The following SGCD variants were observed in gnomAD, a reference collection of about 807,000 sequenced individuals.
The protein encoded by SGCD is delta-sarcoglycan.
In SGCD, 18 loss-of-function variants were observed where a neutral mutation model predicts 36.6. The ratio of observed to expected loss-of-function variants is 0.49; its 90% CI spans 0.34 to 0.73. The LOEUF (loss-of-function observed/expected upper bound fraction) is 0.73. Ranked by LOEUF, SGCD falls within the 30% of genes least tolerant of loss-of-function variation. The pLI is 0.01. For synonymous variants in SGCD, 133 were observed against 130.6 expected (o/e 1.02, Z -0.12); for missense variants, 387 against 346.7 (o/e 1.12, Z -0.92).
At chr5:156,408,180 G>A (rs1016202515) in intron 3 of SGCD, among the ~76,000 whole-genome samples, 3 of 152,080 alleles carry the variant, frequency 2.0e-5, no homozygotes, top group African/African-American at 7.3e-5. Flanking sequence ...TCATCTTGAA[G>A]TATGAGTGTT....
At chr5:155,992,754 G>C (rs1261613254) in intron 1 of SGCD, among the ~76,000 whole-genome samples, 3 of 152,178 alleles carry the variant, frequency 2.0e-5, no homozygotes, top group Non-Finnish European at 4.4e-5. Flanking sequence ...TTTTCTGCTA[G>C]ATATTGTCTA....
the SGCD span, among the ~76,000 whole-genome samples, chr5:155,807,618 T>G: frequency 6.6e-6 from 1 of 152,268 alleles, no homozygotes; most frequent in Non-Finnish European, 1.5e-5. Context: ...CCAAGCTTTC[T>G]TAGATAATTT....
At chr5:156,078,557 A>C in intron 1 of SGCD, among the ~76,000 whole-genome samples, 1 of 120,244 alleles carries the variant, frequency 8.3e-6, no homozygotes, top group Non-Finnish European at 1.6e-5. Flanking sequence ...ATATATATTT[A>C]TATTTATATA....
chr5:156,126,845 C>G (rs1011422837), intron 3 of SGCD, among the ~76,000 whole-genome samples: 2 of 152,206 alleles, frequency 1.3e-5, no homozygotes, highest in African/African-American at 4.8e-5. Context: ...AAGTCAGCAG[C>G]ATCAGCATCA....
chr5:156,473,272 C>T (rs1177131568), intron 3 of SGCD, among the ~76,000 whole-genome samples: 2 of 152,184 alleles, frequency 1.3e-5, no homozygotes, highest in Non-Finnish European at 2.9e-5. Context: ...GTACTGAACC[C>T]TATACAGATG....
At chr5:156,073,609 T>A (rs990456255) in intron 1 of SGCD, among the ~76,000 whole-genome samples, 4 of 152,176 alleles carry the variant, frequency 2.6e-5, no homozygotes, top group Non-Finnish European at 5.9e-5. Flanking sequence ...GATCTCTATT[T>A]TCTATTCGTG....
chr5:156,293,535 G>A (rs1027821498), intron 3 of SGCD, among the ~76,000 whole-genome samples: 5 of 152,122 alleles, frequency 3.3e-5, no homozygotes, highest in Non-Finnish European at 7.4e-5. Context: ...TCTTTTGCAT[G>A]TGGATGTCCA....
At chr5:155,971,760 G>A (rs2127559878) in intron 1 of SGCD, among the ~76,000 whole-genome samples, 1 of 152,184 alleles carries the variant, frequency 6.6e-6, no homozygotes, top group Middle Eastern at 3.4e-3. Context: ...GTTTACAATT[G>A]TTTTTACCTG....
At chr5:155,821,335 G>A in the SGCD span, among the ~76,000 whole-genome samples, 52 of 151,842 alleles carry the variant, frequency 3.4e-4, no homozygotes, top group Middle Eastern at 3.4e-3. Context: ...TTCTTGAGAC[G>A]GAGTCTCTTT....
intron 7 of SGCD, among the ~76,000 whole-genome samples, chr5:156,741,291 T>C (rs1446631260): frequency 6.6e-6 from 1 of 152,186 alleles, no homozygotes; most frequent in Non-Finnish European, 1.5e-5. Flanking sequence ...CAACAAAAAA[T>C]GAGCCTGAGA....
intron 4 of SGCD, among the ~76,000 whole-genome samples, chr5:156,511,841 C>T (rs746518303): frequency 5.9e-5 from 9 of 152,122 alleles, no homozygotes; most frequent in Non-Finnish European, 1.0e-4. Flanking sequence ...ACTGAACCAG[C>T]GAATCACTGA....
At chr5:156,430,930 T>C (rs1752978215) in intron 3 of SGCD, among the ~76,000 whole-genome samples, 1 of 152,220 alleles carries the variant, frequency 6.6e-6, no homozygotes, top group South Asian at 2.1e-4. Context: ...CCCAGTATTT[T>C]ATTGACCAAA....
chr5:156,382,458 G>T (rs1276469675), intron 3 of SGCD, among the ~76,000 whole-genome samples: 2 of 152,102 alleles, frequency 1.3e-5, no homozygotes, highest in African/African-American at 4.8e-5. Flanking sequence ...ACACTCTTTG[G>T]TGTCTTGATG....
chr5:156,134,638 T>C (rs1426300203), intron 3 of SGCD, among the ~76,000 whole-genome samples: 2 of 149,694 alleles, frequency 1.3e-5, no homozygotes, highest in Non-Finnish European at 3.0e-5. Context: ...TAGGTGGGAA[T>C]TGAACCATGA....
chr5:156,579,535 G>T (rs1319233277), intron 4 of SGCD, among the ~76,000 whole-genome samples: 1 of 152,094 alleles, frequency 6.6e-6, no homozygotes, highest in African/African-American at 2.4e-5. Context: ...CATTATTATT[G>T]TGTGGGAGTC....
chr5:155,895,267 G>C (rs1756224496), intron 1 of SGCD, among the ~76,000 whole-genome samples: 1 of 152,194 alleles, frequency 6.6e-6, no homozygotes, highest in Non-Finnish European at 1.5e-5. Context: ...GGAACATTCT[G>C]GTGAAAGTTT....
intron 7 of SGCD, among the ~76,000 whole-genome samples, chr5:156,752,676 G>C (rs1297048893): frequency 6.6e-6 from 1 of 152,172 alleles, no homozygotes; most frequent in African/African-American, 2.4e-5. Flanking sequence ...TTCCAGGCGT[G>C]AGCTACCGTG....
At chr5:156,529,861 C>T (rs1430531403) in intron 4 of SGCD, among the ~76,000 whole-genome samples, 1 of 152,326 alleles carries the variant, frequency 6.6e-6, no homozygotes, top group East Asian at 1.9e-4. Flanking sequence ...TAAATTATGA[C>T]TGTGGGACTT....
rs146586638 is a variant in SGCD, at chr5:156,678,986, A to C, written c.575+31450A>C. On this transcript the variant is annotated intron_variant, in intron 7 of 8. Transcript: ENST00000337851. ...TTTTTTTCTAGTTCTGATTCACATA[A>C]AAGTTCAGATGAGTCTGTGAATATG... is the stretch of plus-strand genomic sequence containing the variant. Among the ~76,000 whole-genome samples, 185 of 152,310 alleles carry C rather than the reference A, an allele frequency of 1.2e-3. 1 individual carries two copies. Among genetic ancestry groups the C allele is most frequent in the African/African-American group, 4.2e-3 (174 of 41,568 alleles).
Sources: gnomAD v4.1 joint callset for allele counts (sites outside exome capture counted in the v4.1 genomes callset) on GRCh38, gnomAD v4.1.1 for gene constraint, MANE v1.5 for transcripts, NCBI Gene and HGNC (gene_info 2026-07-23, HGNC 2026-07-21) for gene names.